The following NOC2L variants were observed in gnomAD, a reference collection of about 807,000 sequenced individuals.
NOC2L encodes the protein nucleolar complex protein 2 homolog.
In NOC2L, 101 loss-of-function variants were observed where a neutral mutation model predicts 94.2. The observed-to-expected ratio is 1.07, with a 90% CI of 0.91 to 1.26. The LOEUF (loss-of-function observed/expected upper bound fraction) is 1.26, where lower values mean the gene tolerates loss of function less well. Among genes scored for constraint, NOC2L ranks in the 50% most tolerant of loss-of-function variants. The probability of loss-of-function intolerance (pLI) is 0.00; values close to 1 mark genes in which losing one functional copy is unlikely to be tolerated. For synonymous variants in NOC2L, 531 were observed against 413.4 expected, an observed-to-expected ratio of 1.28 and a Z score of -3.45; for missense variants, 1,076 against 980.1, an observed-to-expected ratio of 1.10 and a Z score of -1.31.
chr1:954,104 CT>C (rs1449621118), intron 6 of NOC2L, 22 bp from the exon 7 acceptor site: 2 of 1,609,460 alleles, frequency 1.2e-6, no homozygotes, highest in Non-Finnish European at 8.5e-7. Context: ...CCACCCACCC[CT>C]GGCTGGGAGG....
intron 12 of NOC2L, among the ~76,000 whole-genome samples, chr1:950,774 C>T (rs1440021057): frequency 2.6e-5 from 4 of 152,202 alleles, no homozygotes; most frequent in African/African-American, 7.2e-5. Context: ...AATGCATACA[C>T]ATGCACACAA....
chr1:955,579 A>G (rs1642377432), intron 6 of NOC2L, among the ~76,000 whole-genome samples: 1 of 152,230 alleles, frequency 6.6e-6, no homozygotes, highest in Non-Finnish European at 1.5e-5. Flanking sequence ...TGCAGAGATC[A>G]AGGAGTATGG....
In NOC2L at chr1:945,204, T is replaced by G. The variant is rs1569931436; in HGVS notation, c.2054-58A>C. On this transcript the variant is annotated intron_variant, in intron 17 of 18. Coordinates refer to ENST00000327044, the MANE Select transcript of NOC2L (RefSeq NM_015658.4). Reference sequence around the variant, plus strand: ...CCACCCACAGGGTCCACCAGCAAAGTCACAGTGGGGGCAGGAGGGTGGCCA... The same window carrying G: ...CCACCCACAGGGTCCACCAGCAAAGGCACAGTGGGGGCAGGAGGGTGGCCA... 10 of 1,541,584 alleles carry G rather than the reference T, an allele frequency of 6.5e-6. 1 individual carries two copies. The South Asian group carries it at 1.1e-4, about 17-fold the overall frequency.
At chr1:946,887 G>T (rs576451196) in intron 14 of NOC2L, 1 of 200,984 alleles carries the variant, frequency 5.0e-6, no homozygotes, top group African/African-American at 2.3e-5. Context: ...GCAAAACCCC[G>T]TCTCTACTAA....
chr1:954,041 C>T lies in NOC2L; in HGVS notation c.740G>A (p.Arg247His), dbSNP rs3828050. The change falls in exon 7 of 19, where the codon CGT becomes CAT. Residue 247 changes from arginine (R) to histidine (H), a missense_variant. Physicochemically the swap from Arg to His is conservative, Grantham distance 29. Around this residue, in one of 3 missense-constraint regions of NOC2L, gnomAD observed 457 missense variants for 386.0 expected, o/e 1.18. Transcript: ENST00000327044. Reference protein sequence around the residue: ...PSSSPLWGKLRVDIKAYLGSA... With the variant: ...PSSSPLWGKLHVDIKAYLGSA... Reference sequence around the variant, plus strand: ...GCCCAGGTAAGCCTTGATGTCCACACGAAGCTTCCCCCAGAGCGGGCTGCT... The same window carrying T: ...GCCCAGGTAAGCCTTGATGTCCACATGAAGCTTCCCCCAGAGCGGGCTGCT... 90 of 1,608,518 alleles carry T rather than the reference C, an allele frequency of 5.6e-5. No individual in the cohort carries two copies. In the East Asian group the frequency reaches 1.2e-3, roughly 21 times the overall value.
rs373826705 is a variant in NOC2L, at chr1:953,174, C to T, written c.1002+1G>A. 17 of 1,607,538 alleles carry T rather than the reference C, an allele frequency of 1.1e-5. No individual in the cohort carries two copies. Among genetic ancestry groups the T allele is most frequent in the Non-Finnish European group, 3.4e-6 (4 of 1,174,560 alleles). Reference sequence around the variant, plus strand: ...GACACAGACGCAGGGCCCACCACTACCTTGAGGACGGGGCCAAGGAAAGTG... The same window carrying T: ...GACACAGACGCAGGGCCCACCACTATCTTGAGGACGGGGCCAAGGAAAGTG... On this transcript the variant is annotated splice_donor_variant, in intron 9 of 18. Transcript: ENST00000327044. LOFTEE classifies it high-confidence loss of function.
chr1:951,061 C>G, intron 12 of NOC2L, 66 bp downstream of exon 12: 1 of 1,263,264 alleles, frequency 7.9e-7, no homozygotes, highest in Non-Finnish European at 1.1e-6. Context: ...CACAGACGCC[C>G]GGAGCAGCAG....
At chr1:957,308 G>A in intron 2 of NOC2L, 35 bp from the exon 3 acceptor site, 1 of 1,608,086 alleles carries the variant, frequency 6.2e-7, no homozygotes, top group Non-Finnish European at 8.5e-7. Context: ...CCAGTGGGAA[G>A]TGGAAGTAGA....
intron 13 of NOC2L, 90 bp downstream of exon 13, chr1:948,400 T>TG (rs1397304971): frequency 6.3e-6 from 7 of 1,113,704 alleles, no homozygotes; most frequent in Admixed American, 5.7e-5. Context: ...TGCTTGAACT[T>TG]GGAGGATGCC....
At chr1:947,360 A>G (rs904457296) in intron 14 of NOC2L, among the ~76,000 whole-genome samples, 6 of 152,136 alleles carry the variant, frequency 3.9e-5, no homozygotes, top group Non-Finnish European at 5.9e-5. Context: ...TGCATGTGAC[A>G]TGTGTGGCCG....
rs1642397308 is a variant in NOC2L at position 956,210 on chromosome 1, G to C, written c.492C>G (p.Arg164=). The C allele has an allele frequency of 6.2e-7, 1 of 1,613,402 alleles. No individual in the cohort carries two copies. The highest frequency in any genetic ancestry group is 8.5e-7 in the Non-Finnish European group (1 of 1,180,018). The change falls in exon 5 of 19, where the codon CGC becomes CGG. Residue 164 remains arginine, a synonymous_variant. Coordinates refer to ENST00000327044, the MANE Select transcript of NOC2L (RefSeq NM_015658.4). ...VERWKQAAKQ[R]LTPKLFHEVV... ...CTTCATGGAACAGCTTTGGAGTGAGGCGTTGCTGAAGGAGCAAGAGTACCA... is the reference window on the plus strand; with the variant it reads ...CTTCATGGAACAGCTTTGGAGTGAGCCGTTGCTGAAGGAGCAAGAGTACCA...
intron 9 of NOC2L, among the ~76,000 whole-genome samples, chr1:952,824 G>A (rs1357539932): frequency 1.3e-5 from 2 of 152,316 alleles, no homozygotes; most frequent in African/African-American, 4.8e-5. Context: ...TGGGGGCTGA[G>A]GGTCCCCACA....
intron 16 of NOC2L, 29 bp downstream of exon 16, chr1:946,144 C>T (rs746314681): frequency 1.3e-6 from 2 of 1,501,384 alleles, no homozygotes; most frequent in East Asian, 2.3e-5. Flanking sequence ...AGTCACAACA[C>T]ACCCCCAGGT....
chr1:944,317 G>A lies in NOC2L; in HGVS notation c.*377C>T, dbSNP rs1055495964. On this transcript the variant is annotated 3_prime_UTR_variant, in exon 19 of 19. Transcript: ENST00000327044. ...GAAAGGAACAAATTTTCAAAGACTT[G>A]GGGGAGTGAAGGCAGAGCCTGGTGC... 1 of 1,390,270 alleles carries A rather than the reference G, an allele frequency of 7.2e-7. No individual in the cohort carries two copies. Among genetic ancestry groups the A allele is most frequent in the South Asian group, 1.8e-5 (1 of 55,126 alleles). The allele number at this position is 1,390,270 out of a possible 1,614,324, so 86.1% of individuals were successfully genotyped here. A position where few individuals can be genotyped will look rare whatever the true frequency, so the allele number is the denominator to read the frequency against.
rs372726801 is a variant in NOC2L at position 948,496 on chromosome 1, C to A, written c.1551G>T (p.Ala517=). The A allele has an allele frequency of 6.2e-7, 1 of 1,611,672 alleles. No homozygotes were observed. The highest frequency in any genetic ancestry group is 1.1e-5 in the South Asian group (1 of 91,062). The change falls in exon 13 of 19, where the codon GCG becomes GCT. Residue 517 remains alanine, a synonymous_variant. Coordinates refer to ENST00000327044, the MANE Select transcript of NOC2L (RefSeq NM_015658.4). ...KLSNVNLQEK[A]YRDGLVEQLY... Reference sequence around the variant, plus strand: ...CCCAGGAGGCCAGCCTCACCCGGTACGCCTTCTCCTGCAGGTTGACATTGG... The same window carrying A: ...CCCAGGAGGCCAGCCTCACCCGGTAAGCCTTCTCCTGCAGGTTGACATTGG...
chr1:944,817 A>C lies in NOC2L; in HGVS notation c.2144-17T>G. On this transcript the variant is annotated splice_polypyrimidine_tract_variant and intron_variant, in intron 18 of 18. Transcript: ENST00000327044. ...GGTCTCCATCTGCGGGGAGAGATGGAGGCTACATAAATTTTGCTTTATCAG... is the reference window on the plus strand; with the variant it reads ...GGTCTCCATCTGCGGGGAGAGATGGCGGCTACATAAATTTTGCTTTATCAG... 1 of 1,516,694 alleles carries C rather than the reference A, an allele frequency of 6.6e-7. No individual in the cohort carries two copies. The allele number at this position is 1,516,694 out of a possible 1,614,324, so 94.0% of individuals were successfully genotyped here.
Position 959,030 on chromosome 1 carries a change from G to A in NOC2L, c.78C>T (p.Ser26=). Residue 26 remains serine (S), a synonymous_variant, in exon 2 of 19, where the codon TCC becomes TCT. Transcript: ENST00000327044. ...VDEFLASGFD[S]ESESESENSP... ...AATTTTCGGACTCGGATTCGGACTC[G>A]GAGTCAAAGCCCGAAGCTAGGAACT... 1 of 1,612,240 alleles carries A rather than the reference G, an allele frequency of 6.2e-7. No individual in the cohort carries two copies. Among genetic ancestry groups the A allele is most frequent in the Non-Finnish European group, 8.5e-7 (1 of 1,179,624 alleles).
At chr1:944,947 C>T (rs1642051915) in intron 18 of NOC2L, 110 bp downstream of exon 18, 1 of 1,558,474 alleles carries the variant, frequency 6.4e-7, no homozygotes, top group Non-Finnish European at 8.7e-7. Context: ...CCTGGCCTTC[C>T]CAGGGAGGGA....
intron 1 of NOC2L, 40 bp downstream of exon 1, chr1:959,175 C>T (rs1364566596): frequency 6.2e-7 from 1 of 1,611,834 alleles, no homozygotes. Context: ...ATACAGACAC[C>T]CACCGGGAGG....
Sources: gnomAD v4.1 joint callset for allele counts (sites outside exome capture counted in the v4.1 genomes callset) on GRCh38, gnomAD v4.1.1 for gene constraint, gnomAD v4.1.1 regional missense constraint, MANE v1.5 for transcripts, NCBI Gene and HGNC (gene_info 2026-07-23, HGNC 2026-07-21) for gene names.